The following ARMC2 variants were observed in gnomAD, a reference collection of about 807,000 sequenced individuals.
The protein encoded by ARMC2 is armadillo repeat containing 2.
ARMC2 carries 67 observed loss-of-function variants against 90.3 expected under a neutral mutation model. The observed-to-expected ratio is 0.74, with a 90% confidence interval of 0.61 to 0.91. The LOEUF (loss-of-function observed/expected upper bound fraction) is 0.91. Among genes scored for constraint, ARMC2 ranks in the 40% least tolerant of loss-of-function variants. ARMC2 has a pLI of 0.00. For synonymous variants in ARMC2, 393 were observed against 393.0 expected, an observed-to-expected ratio of 1.00 and a Z score of 0.00; for missense variants, 920 against 1,030.9, an observed-to-expected ratio of 0.89 and a Z score of 1.47.
chr6:108,873,124 G>T (rs1418403185), intron 4 of ARMC2, among the ~76,000 whole-genome samples: 1 of 152,154 alleles, frequency 6.6e-6, no homozygotes, highest in East Asian at 1.9e-4. Flanking sequence ...TCTCTGCTCA[G>T]CCTCCTCCGT....
At chr6:108,932,539 TTTTTG>T (rs1401250421) in intron 11 of ARMC2, among the ~76,000 whole-genome samples, 7 of 137,888 alleles carry the variant, frequency 5.1e-5, no homozygotes, top group Middle Eastern at 3.5e-3. Flanking sequence ...TTTTTTTTTT[TTTTTG>T]TTGAGACGGA....
chr6:108,981,969 ATTTCT>A, the ARMC2 span, among the ~76,000 whole-genome samples: 5 of 152,006 alleles, frequency 3.3e-5, no homozygotes, highest in Non-Finnish European at 5.9e-5. Flanking sequence ...TGCCCTGCTG[ATTTCT>A]TTCCTTTTTA....
At chr6:108,988,303 G>A in the ARMC2 span, 1 of 365,062 alleles carries the variant, frequency 2.7e-6, no homozygotes, top group African/African-American at 2.1e-5. Flanking sequence ...TCTATGTGCT[G>A]ACAGCCATGC....
intron 7 of ARMC2, among the ~76,000 whole-genome samples, chr6:108,902,865 T>G (rs1038870715): frequency 5.9e-5 from 9 of 152,204 alleles, no homozygotes; most frequent in Non-Finnish European, 1.3e-4. Flanking sequence ...TGTGCTATTT[T>G]TCTTCTTTGT....
chr6:109,030,828 T>A, the ARMC2 span, among the ~76,000 whole-genome samples: 1 of 152,226 alleles, frequency 6.6e-6, no homozygotes, highest in Admixed American at 6.5e-5. Flanking sequence ...TCATTATTCC[T>A]ATATTACCCA....
chr6:108,894,739 C>G (rs1396949029), intron 6 of ARMC2, among the ~76,000 whole-genome samples, 196 bp downstream of exon 6: 3 of 149,324 alleles, frequency 2.0e-5, no homozygotes, highest in African/African-American at 7.4e-5. Flanking sequence ...TCTGATGCCT[C>G]AAACATCTAT....
the ARMC2 span, chr6:108,999,966 A>G: frequency 6.6e-6 from 1 of 152,190 alleles, no homozygotes; most frequent in Non-Finnish European, 1.5e-5. Flanking sequence ...AAAGAAATGA[A>G]CTATCAAGTC....
intron 2 of ARMC2, among the ~76,000 whole-genome samples, chr6:108,855,684 A>G (rs1472788498): frequency 6.6e-6 from 1 of 152,222 alleles, no homozygotes; most frequent in Non-Finnish European, 1.5e-5. Flanking sequence ...CCCACCAGCA[A>G]TGAATGAGAG....
In ARMC2 at chr6:108,953,028, T is replaced by C. The variant is rs983899866; in HGVS notation, c.1597-5T>C. 6.2e-7 allele frequency: 1 copy of C among 1,601,430 alleles called. No individual in the cohort carries two copies. The highest frequency in any genetic ancestry group is 8.5e-7 in the Non-Finnish European group (1 of 1,172,788). ...ACTTTTGACTCTGTCTTTCGTTTATTGCAGGATTTAGTCGTCCGTGTTGTT... is the reference window on the plus strand; with the variant it reads ...ACTTTTGACTCTGTCTTTCGTTTATCGCAGGATTTAGTCGTCCGTGTTGTT... On this transcript the variant is annotated splice_polypyrimidine_tract_variant and splice_region_variant and intron_variant, in intron 12 of 17. Transcript: ENST00000392644.
At chr6:109,031,656 G>A in the ARMC2 span, among the ~76,000 whole-genome samples, 1 of 152,180 alleles carries the variant, frequency 6.6e-6, no homozygotes, top group African/African-American at 2.4e-5. Context: ...TTTCCAGTGA[G>A]CTAGCCAGTC....
At chr6:108,849,766 T>C (rs1413055683) in intron 1 of ARMC2, among the ~76,000 whole-genome samples, 2 of 152,270 alleles carry the variant, frequency 1.3e-5, no homozygotes, top group Non-Finnish European at 1.5e-5. Flanking sequence ...CTTCAAACAA[T>C]CCTATGGGGC....
chr6:108,898,273 C>G (rs1344989480), intron 6 of ARMC2, among the ~76,000 whole-genome samples: 1 of 152,216 alleles, frequency 6.6e-6, no homozygotes, highest in Admixed American at 6.5e-5. Context: ...CTGTCTTTCT[C>G]TGTCTCTTCT....
intron 15 of ARMC2, among the ~76,000 whole-genome samples, 167 bp from the exon 16 acceptor site, chr6:108,964,013 A>G (rs1356104669): frequency 6.6e-6 from 1 of 152,026 alleles, no homozygotes; most frequent in Non-Finnish European, 1.5e-5. Flanking sequence ...GTATTGGGGA[A>G]CCCACTGCTG....
At chr6:109,042,810 T>C in the ARMC2 span, among the ~76,000 whole-genome samples, 21 of 152,176 alleles carry the variant, frequency 1.4e-4, no homozygotes, top group South Asian at 6.2e-4. Context: ...TTTTACATAA[T>C]ATTTTCCAGA....
the ARMC2 span, among the ~76,000 whole-genome samples, chr6:109,015,827 ACT>A: frequency 6.6e-6 from 1 of 152,176 alleles, no homozygotes; most frequent in Non-Finnish European, 1.5e-5. Flanking sequence ...GACTGAATAT[ACT>A]CTGTGTTGTA....
intron 4 of ARMC2, among the ~76,000 whole-genome samples, chr6:108,873,456 C>T (rs1027353433): frequency 3.9e-5 from 6 of 152,156 alleles, no homozygotes; most frequent in Admixed American, 1.3e-4. Flanking sequence ...TGCCCCCTCA[C>T]GGTGGGTGCA....
intron 7 of ARMC2, 60 bp downstream of exon 7, chr6:108,899,852 A>C (rs1771952047): frequency 2.3e-6 from 3 of 1,292,726 alleles, no homozygotes; most frequent in Non-Finnish European, 3.3e-6. Flanking sequence ...AAATACCTGT[A>C]GTTATTTATG....
chr6:108,940,185 G>C (rs1776320193), intron 12 of ARMC2, among the ~76,000 whole-genome samples: 1 of 152,238 alleles, frequency 6.6e-6, no homozygotes, highest in Admixed American at 6.5e-5. Context: ...AGAATCGCTT[G>C]AACCTGGGAG....
the ARMC2 span, among the ~76,000 whole-genome samples, chr6:109,037,142 C>G: frequency 0.092 from 14,028 of 152,160 alleles, 866 homozygotes; most frequent in Middle Eastern, 0.19. Context: ...GGCCATAAGT[C>G]CAGAAAAACA....
Sources: gnomAD v4.1 joint callset for allele counts (sites outside exome capture counted in the v4.1 genomes callset) on GRCh38, gnomAD v4.1.1 for gene constraint, MANE v1.5 for transcripts, NCBI Gene and HGNC (gene_info 2026-07-23, HGNC 2026-07-21) for gene names.